Variants in TMEM212 observed in about 807,000 individuals in gnomAD.
The protein encoded by TMEM212 is transmembrane protein 212.
In TMEM212, 23 loss-of-function variants were observed where a neutral mutation model predicts 20.5. The ratio of observed to expected loss-of-function variants is 1.12; its 90% CI spans 0.81 to 1.59. The LOEUF (loss-of-function observed/expected upper bound fraction) is 1.59, where lower values mean the gene tolerates loss of function less well. Among genes scored for constraint, TMEM212 ranks in the 40% most tolerant of loss-of-function variants. The pLI is 0.00. For missense variants in TMEM212, 211 were observed against 215.0 expected (o/e 0.98, Z 0.12); for synonymous variants, 76 against 81.6 (o/e 0.93, Z 0.37).
Position 171,843,420 on chromosome 3 carries a change from G to A in TMEM212, c.37G>A (p.Val13Ile), listed in dbSNP as rs1243475028. 2 of 1,536,644 alleles carry A rather than the reference G, an allele frequency of 1.3e-6. No homozygotes were observed. Among genetic ancestry groups the A allele is most frequent in the African/African-American group, 1.4e-5 (1 of 73,148 alleles). The change falls in exon 1 of 5, where the codon GTT becomes ATT. Residue 13 changes from valine (V) to isoleucine (I), a missense_variant. Transcript: ENST00000334567. Reference protein sequence around the residue: ...GLYQAAGRILVTLGILSVCSG... With the variant: ...GLYQAAGRILITLGILSVCSG... ...CTACCAGGCTGCTGGCCGGATTCTT[G>A]TTACTCTGGGGATCCTCAGTGTATG...
At position 171,853,815 on chromosome 3, in the gene TMEM212, C is replaced by T. The variant is rs1725049184; in HGVS notation, c.508C>T (p.Leu170Phe). The change falls in exon 3 of 5, where the codon CTT becomes TTT. Residue 170 changes from leucine to phenylalanine, a missense_variant. Physicochemically the swap from Leu to Phe is conservative, Grantham distance 22. Transcript: ENST00000334567. Reference sequence around the variant, plus strand: ...TACATCCTTGACAGTGTTCATCAAACTTTCTGCAAGACTTATCCAGAATGG... The same window carrying T: ...TACATCCTTGACAGTGTTCATCAAATTTTCTGCAAGACTTATCCAGAATGG... ...LCTSLTVFIK[L>F]SARLIQNGHI... 6.5e-7 allele frequency: 1 copy of T among 1,536,748 alleles called. No individual in the cohort carries two copies. The highest frequency in any genetic ancestry group is 8.7e-7 in the Non-Finnish European group (1 of 1,146,756).
chr3:171,857,717 G>A (rs1401419550), intron 4 of TMEM212, among the ~76,000 whole-genome samples: 1 of 152,162 alleles, frequency 6.6e-6, no homozygotes, highest in Non-Finnish European at 1.5e-5. Context: ...TTTAAAATGG[G>A]CAAATGACCT....
At chr3:171,848,795 A>T (rs939760970) in intron 1 of TMEM212, among the ~76,000 whole-genome samples, 1 of 151,996 alleles carries the variant, frequency 6.6e-6, no homozygotes, top group African/African-American at 2.4e-5. Context: ...ATTTATAACT[A>T]TGACATAAAA....
In TMEM212 at chr3:171,857,220, T is replaced by G. The variant is rs556654569; in HGVS notation, c.*3+513T>G. 2.6e-5 allele frequency among the ~76,000 whole-genome samples: 4 copies of G among 151,908 alleles called. 1 individual carries two copies. Among genetic ancestry groups the G allele is most frequent in the Admixed American group, 2.6e-4 (4 of 15,252 alleles). ...GAGTTCCATGATAAAATAAAAATGG[T>G]TTACATAAAAAAAAAACTCACACAC... On this transcript the variant is annotated intron_variant, in intron 4 of 4. Coordinates refer to ENST00000334567, the MANE Select transcript of TMEM212 (RefSeq NM_001164436.2).
At chr3:171,845,410 T>A (rs181751224) in intron 1 of TMEM212, among the ~76,000 whole-genome samples, 92 of 152,324 alleles carry the variant, frequency 6.0e-4, no homozygotes, top group Non-Finnish European at 9.0e-4. Context: ...TTAATTTTTT[T>A]AAAAATTCTG....
At position 171,856,952 on chromosome 3, in the gene TMEM212, C is replaced by G. The variant is rs1396212807; in HGVS notation, c.*3+245C>G. On this transcript the variant is annotated intron_variant, in intron 4 of 4. Transcript: ENST00000334567. ...GTTAATTAAACATGCTAAATGGGAA[C>G]TAGTAAAATCACCTAAGCCCACAAA... 3 of 316,226 alleles carry G rather than the reference C, an allele frequency of 9.5e-6. 1 individual carries two copies. The Middle Eastern group carries it at 2.6e-3, about 270-fold the overall frequency. 19.6% of individuals were successfully genotyped at this position (316,226 alleles called of 1,614,324 possible).
At chr3:171,857,255 A>G (rs1725141214) in intron 4 of TMEM212, among the ~76,000 whole-genome samples, 1 of 152,204 alleles carries the variant, frequency 6.6e-6, no homozygotes, top group South Asian at 2.1e-4. Flanking sequence ...CATGGAATCA[A>G]GTAATATTTG....
chr3:171,855,869 A>G (rs1467503062), intron 3 of TMEM212, among the ~76,000 whole-genome samples: 2 of 152,212 alleles, frequency 1.3e-5, no homozygotes, highest in Non-Finnish European at 2.9e-5. Flanking sequence ...AAATAGTGGG[A>G]GCATAAAATA....
At chr3:171,853,970 A>T in intron 3 of TMEM212, 120 bp downstream of exon 3, 1 of 756,954 alleles carries the variant, frequency 1.3e-6, no homozygotes, top group African/African-American at 1.8e-5. Context: ...TATGCTTTTG[A>T]TATCCAGGTC....
intron 1 of TMEM212, among the ~76,000 whole-genome samples, chr3:171,844,696 A>T (rs1488374598): frequency 2.0e-5 from 3 of 152,138 alleles, no homozygotes; most frequent in African/African-American, 4.8e-5. Flanking sequence ...ACAGAGCAAG[A>T]CTCCATCTCA....
chr3:171,852,053 G>A lies in TMEM212; in HGVS notation c.219+12G>A, dbSNP rs376741519. 1.5e-5 allele frequency: 23 copies of A among 1,533,896 alleles called. No homozygotes were observed. Among genetic ancestry groups the A allele is most frequent in the Admixed American group, 3.9e-5 (2 of 50,968 alleles). The stretch of plus-strand genomic sequence containing the variant: ...CCCAGAGGTACCTGGTAAATATACC[G>A]ATGCCAAGTAGGATGGTAGAGAGGC... On this transcript the variant is annotated intron_variant, in intron 2 of 4. Coordinates refer to ENST00000334567, the MANE Select transcript of TMEM212 (RefSeq NM_001164436.2).
At chr3:171,854,789 A>G (rs953908959) in intron 3 of TMEM212, among the ~76,000 whole-genome samples, 5 of 152,220 alleles carry the variant, frequency 3.3e-5, no homozygotes, top group African/African-American at 1.2e-4. Flanking sequence ...TAGCATAAAA[A>G]CAGACAATAG....
chr3:171,846,722 C>T (rs1459016250), intron 1 of TMEM212, among the ~76,000 whole-genome samples: 1 of 152,092 alleles, frequency 6.6e-6, no homozygotes, highest in Non-Finnish European at 1.5e-5. Context: ...AATACAAATG[C>T]TCAGTCTTTC....
chr3:171,850,221 G>A (rs999881628), intron 1 of TMEM212, among the ~76,000 whole-genome samples: 1 of 152,122 alleles, frequency 6.6e-6, no homozygotes, highest in Non-Finnish European at 1.5e-5. Flanking sequence ...AGATGGGTGC[G>A]CTAACCTCTT....
rs1725179926 is a variant in TMEM212, at chr3:171,858,805, G to A, written c.*748G>A. On this transcript the variant is annotated 3_prime_UTR_variant, in exon 5 of 5. Transcript: ENST00000334567. Reference sequence around the variant, plus strand: ...AAAGAAGACATTTATGAAGCCAACAGACACACATAATCCCAAATCATGCTA... The same window carrying A: ...AAAGAAGACATTTATGAAGCCAACAAACACACATAATCCCAAATCATGCTA... 2 of 152,000 alleles carry A rather than the reference G, an allele frequency of 1.3e-5. No homozygotes were observed. Among genetic ancestry groups the A allele is most frequent in the South Asian group, 2.1e-4 (1 of 4,820 alleles). The allele number at this position is 152,000 out of a possible 1,614,324, so 9.4% of individuals were successfully genotyped here.
At chr3:171,849,539 T>C (rs1724923391) in intron 1 of TMEM212, among the ~76,000 whole-genome samples, 1 of 152,194 alleles carries the variant, frequency 6.6e-6, no homozygotes, top group Non-Finnish European at 1.5e-5. Flanking sequence ...TGTGAAGTGT[T>C]CAACATATAT....
At chr3:171,857,902 T>C (rs1425948497) in intron 4 of TMEM212, among the ~76,000 whole-genome samples, 159 bp from the exon 5 acceptor site, 1 of 151,430 alleles carries the variant, frequency 6.6e-6, no homozygotes, top group Admixed American at 6.6e-5. Flanking sequence ...TAACAAGTGT[T>C]GGTGAGGATG....
intron 3 of TMEM212, 26 bp downstream of exon 3, chr3:171,853,876 G>C: frequency 6.6e-7 from 1 of 1,509,094 alleles, no homozygotes; most frequent in Non-Finnish European, 8.9e-7. Context: ...GGGGAGGCAG[G>C]TTCTTGTTCC....
In TMEM212 at chr3:171,848,842, T is replaced by A. The variant is rs948221412; in HGVS notation, c.160-3140T>A. Among the ~76,000 whole-genome samples the A allele has an allele frequency of 1.4e-4, 21 of 151,492 alleles. No individual in the cohort carries two copies. The Admixed American group carries it at 1.4e-3, about 10-fold the overall frequency. ...TTGTGGCTAGAGTTGAAAAAATAAA[T>A]CTGAAGACCAGGGTTCTACAGAGAT... On this transcript the variant is annotated intron_variant, in intron 1 of 4. Transcript: ENST00000334567.
Sources: gnomAD v4.1 joint callset for allele counts (sites outside exome capture counted in the v4.1 genomes callset) on GRCh38, gnomAD v4.1.1 for gene constraint, MANE v1.5 for transcripts, NCBI Gene and HGNC (gene_info 2026-07-23, HGNC 2026-07-21) for gene names.